The following STEAP4 variants were observed in gnomAD, a reference collection of about 807,000 sequenced individuals.
The protein encoded by STEAP4 is STEAP4 metalloreductase.
A neutral mutation model predicts 43.6 loss-of-function variants in STEAP4; 36 were observed. That is an observed-to-expected ratio of 0.83 (90% CI 0.63 to 1.09). The LOEUF is 1.09. STEAP4 is among the 50% of genes least tolerant of loss of function. STEAP4 has a pLI of 0.00. For synonymous variants in STEAP4, 191 were observed against 196.7 expected (o/e 0.97, Z 0.24); for missense variants, 495 against 546.5 (o/e 0.91, Z 0.94).
rs776973027 is a variant in STEAP4, at chr7:88,276,342, T to C, written c.*3056A>G. ...GAAGGGAAGTATTTTTAGTCCCAGATGCTGGAACTACTGTGATTCAAAACC... is the reference window on the plus strand; with the variant it reads ...GAAGGGAAGTATTTTTAGTCCCAGACGCTGGAACTACTGTGATTCAAAACC... On this transcript the variant is annotated 3_prime_UTR_variant, in exon 5 of 5. Transcript: ENST00000380079. 2 of 152,252 alleles carry C rather than the reference T, an allele frequency of 1.3e-5. No individual in the cohort carries two copies. Among genetic ancestry groups the C allele is most frequent in the African/African-American group, 2.4e-5 (1 of 41,474 alleles). 9.4% of individuals were successfully genotyped at this position (152,252 alleles called of 1,614,324 possible).
At chr7:88,294,497 A>T (rs1176177811) in intron 1 of STEAP4, among the ~76,000 whole-genome samples, 4 of 152,146 alleles carry the variant, frequency 2.6e-5, no homozygotes. Context: ...GTTTAAAGTT[A>T]TATGATGGAC....
In STEAP4 at chr7:88,282,746, A is replaced by C. The variant is rs1586744114; in HGVS notation, c.879T>G (p.Leu293=). 6.2e-7 allele frequency: 1 copy of C among 1,614,158 alleles called. No individual in the cohort carries two copies. The highest frequency in any genetic ancestry group is 8.5e-7 in the Non-Finnish European group (1 of 1,180,022). Residue 293 remains leucine (L), a synonymous_variant, in exon 3 of 5, where the codon CTT becomes CTG. Transcript: ENST00000380079. ...LDHWMLCRKQ[L]GLVALGFAFL... ...AGGCAAATCCCAGAGCTACCAAGCC[A>C]AGCTGCTTTCGGCAAAGCATCCAGT...
intron 1 of STEAP4, among the ~76,000 whole-genome samples, chr7:88,303,246 A>G (rs1563505820): frequency 6.6e-6 from 1 of 150,952 alleles, no homozygotes; most frequent in Admixed American, 6.6e-5. Context: ...CTGTAGTCCT[A>G]GCACTTTGGT....
In STEAP4 at chr7:88,285,749, T is replaced by C. The variant is rs1301711136; in HGVS notation, c.-2-1478A>G. Among the ~76,000 whole-genome samples, 3 of 135,510 alleles carry C rather than the reference T, an allele frequency of 2.2e-5. No individual in the cohort carries two copies. In the East Asian group the frequency reaches 6.0e-4, roughly 27 times the overall value. 88.9% of individuals were successfully genotyped at this position (135,510 alleles called of 152,430 possible). A position where few individuals can be genotyped will look rare whatever the true frequency, so the allele number is the denominator to read the frequency against. Reference sequence around the variant, plus strand: ...TCCAGCCTGGGCGACAGAGAGAGACTTTGTCTCAAAAAAAAAAAAAAAAAA... The same window carrying C: ...TCCAGCCTGGGCGACAGAGAGAGACCTTGTCTCAAAAAAAAAAAAAAAAAA... On this transcript the variant is annotated intron_variant, in intron 1 of 4. Coordinates refer to ENST00000380079, the MANE Select transcript of STEAP4 (RefSeq NM_024636.4).
intron 1 of STEAP4, chr7:88,292,534 A>T (rs911212955): frequency 1.3e-5 from 2 of 152,196 alleles, no homozygotes; most frequent in Non-Finnish European, 2.9e-5. Flanking sequence ...TGCATCTTTC[A>T]CCCAGTTTCC....
rs1852458381 is a variant in STEAP4 at position 88,272,906 on chromosome 7, T to C, written c.*6492A>G. 1 of 152,188 alleles carries C rather than the reference T, an allele frequency of 6.6e-6. No homozygotes were observed. The highest frequency in any genetic ancestry group is 2.1e-4 in the South Asian group (1 of 4,828). The allele number at this position is 152,188 out of a possible 1,614,324, so 9.4% of individuals were successfully genotyped here. On this transcript the variant is annotated 3_prime_UTR_variant, in exon 5 of 5. Coordinates refer to ENST00000380079, the MANE Select transcript of STEAP4 (RefSeq NM_024636.4). ...GTCAATACTCCATCATGAGAAGAGT[T>C]AAGCCTGTAGAAGGCTAGCTATAAC...
chr7:88,295,155 A>C (rs1852904855), intron 1 of STEAP4, among the ~76,000 whole-genome samples: 1 of 152,168 alleles, frequency 6.6e-6, no homozygotes, highest in Non-Finnish European at 1.5e-5. Context: ...GGGATCCGTC[A>C]TTAGATAAGT....
rs1344515305 is a variant in STEAP4, at chr7:88,283,129, C to T, written c.496G>A (p.Val166Met). ...CGNDSKAKQR[V>M]MDIVRNLGLT... ...CCAAGATTACGAACAATATCCATCA[C>T]TCTTTGCTTGGCTTTGCTGTCATTT... is the stretch of plus-strand genomic sequence containing the variant. The change falls in exon 3 of 5, where the codon GTG becomes ATG. Residue 166 changes from valine to methionine, a missense_variant. Val to Met is a conservative substitution (Grantham distance 21). Transcript: ENST00000380079. The T allele has an allele frequency of 1.9e-5, 30 of 1,575,786 alleles. No individual in the cohort carries two copies. Among genetic ancestry groups the T allele is most frequent in the Non-Finnish European group, 2.6e-5 (30 of 1,163,528 alleles).
At chr7:88,304,139 A>C (rs1033708427) in intron 1 of STEAP4, 1 of 152,170 alleles carries the variant, frequency 6.6e-6, no homozygotes, top group Non-Finnish European at 1.5e-5. Flanking sequence ...GAACAATGAG[A>C]ACACGTGGAC....
At chr7:88,299,834 C>T (rs1179753819) in intron 1 of STEAP4, among the ~76,000 whole-genome samples, 1 of 152,210 alleles carries the variant, frequency 6.6e-6, no homozygotes, top group Non-Finnish European at 1.5e-5. Context: ...GACCCCACCC[C>T]CATTCCTTGC....
Position 88,277,850 on chromosome 7 carries a change from A to T in STEAP4, c.*1548T>A, listed in dbSNP as rs764827970. 3 of 152,112 alleles carry T rather than the reference A, an allele frequency of 2.0e-5. No homozygotes were observed. Among genetic ancestry groups the T allele is most frequent in the Non-Finnish European group, 4.4e-5 (3 of 68,024 alleles). The allele number at this position is 152,112 out of a possible 1,614,324, so 9.4% of individuals were successfully genotyped here. A position where few individuals can be genotyped will look rare whatever the true frequency, so the allele number is the denominator to read the frequency against. Reference sequence around the variant, plus strand: ...ACTCCAGCCTGAGCGACAGAGCAAGACTGTCTCAAAAAAATAAAAAAGAAA... The same window carrying T: ...ACTCCAGCCTGAGCGACAGAGCAAGTCTGTCTCAAAAAAATAAAAAAGAAA... On this transcript the variant is annotated 3_prime_UTR_variant, in exon 5 of 5. Coordinates refer to ENST00000380079, the MANE Select transcript of STEAP4 (RefSeq NM_024636.4).
intron 1 of STEAP4, among the ~76,000 whole-genome samples, chr7:88,288,324 C>G (rs1250346307): frequency 6.6e-6 from 1 of 152,140 alleles, no homozygotes; most frequent in African/African-American, 2.4e-5. Context: ...GCATGTGCCA[C>G]CATGCCTGGC....
At chr7:88,297,872 A>G (rs1198534631) in intron 1 of STEAP4, among the ~76,000 whole-genome samples, 1 of 152,148 alleles carries the variant, frequency 6.6e-6, no homozygotes, top group African/African-American at 2.4e-5. Context: ...ATACACCTAA[A>G]CTGCCCACAT....
At chr7:88,284,653 T>C (rs1384245520) in intron 1 of STEAP4, among the ~76,000 whole-genome samples, 1 of 152,176 alleles carries the variant, frequency 6.6e-6, no homozygotes, top group African/African-American at 2.4e-5. Context: ...AGCTTGTTAA[T>C]AGAAGGTTTA....
At position 88,279,590 on chromosome 7, in the gene STEAP4, G is replaced by A. The variant is rs773684426; in HGVS notation, c.1188C>T (p.Ala396=). 6.2e-7 allele frequency: 1 copy of A among 1,613,792 alleles called. No homozygotes were observed. The highest frequency in any genetic ancestry group is 8.5e-7 in the Non-Finnish European group (1 of 1,179,902). The change falls in exon 5 of 5, where the codon GCC becomes GCT. Residue 396 remains alanine, a synonymous_variant. Transcript: ENST00000380079. Reference sequence around the variant, plus strand: ...TCTTCCCACCGTACACCAGGGTGTGGGCTGTACACAAGATCAGGGTCAAAT... The same window carrying A: ...TCTTCCCACCGTACACCAGGGTGTGAGCTGTACACAAGATCAGGGTCAAAT... ...LGYLTLILCT[A]HTLVYGGKRF...
In STEAP4 at chr7:88,280,979, A is replaced by C. The variant is rs773142931; in HGVS notation, c.1085T>G (p.Leu362Trp). ...AACAGATGGCAAAGAAGTGATTCCC[A>C]AGAGTACAAACAGAAAAAACCCAAG... is the stretch of plus-strand genomic sequence containing the variant. ...GILGFFLFVLLGITSLPSVSN... is the reference protein window; with the variant it reads ...GILGFFLFVLWGITSLPSVSN... Residue 362 changes from leucine to tryptophan, a missense_variant, in exon 4 of 5, where the codon TTG becomes TGG. Leu to Trp is a moderately conservative substitution (Grantham distance 61). Transcript: ENST00000380079. The C allele has an allele frequency of 6.8e-6, 11 of 1,613,166 alleles. No homozygotes were observed. The highest frequency in any genetic ancestry group is 1.3e-5 in the African/African-American group (1 of 74,874).
intron 1 of STEAP4, among the ~76,000 whole-genome samples, chr7:88,294,077 A>G (rs1420211420): frequency 6.6e-6 from 1 of 152,190 alleles, no homozygotes; most frequent in Non-Finnish European, 1.5e-5. Flanking sequence ...GTGCTAAAAA[A>G]TTAATTCATA....
Sources: allele counts gnomAD v4.1 joint callset (sites outside exome capture counted in the v4.1 genomes callset), GRCh38; gene constraint gnomAD v4.1.1; transcripts MANE v1.5; gene names NCBI Gene and HGNC (gene_info 2026-07-23, HGNC 2026-07-21).